ZFC3H1: variants seen among roughly 807,000 people sequenced by gnomAD.
The protein encoded by ZFC3H1 is zinc finger C3H1-type containing, also known as zinc finger C3H1 domain-containing protein.
ZFC3H1 carries 71 observed loss-of-function variants against 243.7 expected under a neutral mutation model. That is an observed-to-expected ratio of 0.29 (90% CI 0.24 to 0.36). The LOEUF (loss-of-function observed/expected upper bound fraction) is 0.36. Among genes scored for constraint, ZFC3H1 ranks in the 10% least tolerant of loss-of-function variants. The probability of loss-of-function intolerance (pLI) is 1.00; values close to 1 mark genes in which losing one functional copy is unlikely to be tolerated. For synonymous variants in ZFC3H1, 838 were observed against 813.0 expected (o/e 1.03, Z -0.52); for missense variants, 1,966 against 2,317.1 (o/e 0.85, Z 3.11).
At chr12:71,619,555 T>G in intron 26 of ZFC3H1, 146 bp from the exon 27 acceptor site, 1 of 677,338 alleles carries the variant, frequency 1.5e-6, no homozygotes, top group Non-Finnish European at 2.4e-6. Flanking sequence ...GTTTGAGACA[T>G]ACTCAGAAAA....
In ZFC3H1 at chr12:71,620,320, C is replaced by T. The variant is rs765965171; in HGVS notation, c.4745-5G>A. 6.2e-7 allele frequency: 1 copy of T among 1,613,534 alleles called. No homozygotes were observed. Among genetic ancestry groups the T allele is most frequent in the South Asian group, 1.1e-5 (1 of 91,062 alleles). ...CTGTGCAAGCTTTCACTGCATCTAC[C>T]CAAAAACATCACAACAACATGAATC... On this transcript the variant is annotated splice_polypyrimidine_tract_variant and splice_region_variant and intron_variant, in intron 24 of 34. Transcript: ENST00000378743.
intron 2 of ZFC3H1, among the ~76,000 whole-genome samples, chr12:71,654,393 A>G (rs1880964396): frequency 6.6e-6 from 1 of 152,188 alleles, no homozygotes; most frequent in Admixed American, 6.5e-5. Flanking sequence ...CTGAGTCATG[A>G]TCATACTCCT....
chr12:71,632,125 T>C lies in ZFC3H1; in HGVS notation c.3207A>G (p.Ile1069Met). 1 of 1,609,928 alleles carries C rather than the reference T, an allele frequency of 6.2e-7. No individual in the cohort carries two copies. Among genetic ancestry groups the C allele is most frequent in the Non-Finnish European group, 8.5e-7 (1 of 1,178,914 alleles). The change falls in exon 15 of 35, where the codon ATA (isoleucine) becomes ATG (methionine). Residue 1069 changes from isoleucine (I) to methionine (M), a missense_variant. By Grantham distance (10) the Ile-to-Met change is conservative. This residue lies in a region of ZFC3H1 where 1,383 missense variants were observed against 1,723.7 expected (regional missense o/e 0.80). Transcript: ENST00000378743. Reference protein sequence around the residue: ...KHTDTANKECINKLNKNTVEK... With the variant: ...KHTDTANKECMNKLNKNTVEK... ...CTACAGTATTTTTATTAAGTTTGTT[T>C]ATGCATTCTTTGTTAGCAGTATCAG...
At chr12:71,615,758 T>A (rs1436530808) in intron 27 of ZFC3H1, among the ~76,000 whole-genome samples, 1 of 152,146 alleles carries the variant, frequency 6.6e-6, no homozygotes, top group African/African-American at 2.4e-5. Flanking sequence ...ACTCAAGTAA[T>A]TCTCCTGCCT....
intron 6 of ZFC3H1, among the ~76,000 whole-genome samples, chr12:71,639,672 T>C (rs1880552100): frequency 6.6e-6 from 1 of 152,088 alleles, no homozygotes; most frequent in Non-Finnish European, 1.5e-5. Flanking sequence ...CTGACCTTTG[T>C]GTTGGGTCAG....
chr12:71,618,819 G>A (rs918095528), intron 27 of ZFC3H1, among the ~76,000 whole-genome samples: 1 of 152,046 alleles, frequency 6.6e-6, no homozygotes, highest in Non-Finnish European at 1.5e-5. Flanking sequence ...AGCTCTATAT[G>A]AGCTATTAAG....
At chr12:71,660,983 ATTT>A (rs897665855) in intron 1 of ZFC3H1, among the ~76,000 whole-genome samples, 1 of 151,472 alleles carries the variant, frequency 6.6e-6, no homozygotes, top group Non-Finnish European at 1.5e-5. Context: ...TTTAATAAAA[ATTT>A]TTTTTAATTA....
At chr12:71,622,125 T>A (rs181159101) in intron 24 of ZFC3H1, among the ~76,000 whole-genome samples, 105 of 152,342 alleles carry the variant, frequency 6.9e-4, no homozygotes, top group South Asian at 4.6e-3. Context: ...ATCCATTGCA[T>A]AAATTCCCTT....
At chr12:71,649,085 T>C (rs1231975341) in intron 2 of ZFC3H1, among the ~76,000 whole-genome samples, 3 of 131,540 alleles carry the variant, frequency 2.3e-5, no homozygotes, top group African/African-American at 9.1e-5. Flanking sequence ...AGCAAGACTC[T>C]TGTCTCAAAA....
chr12:71,650,257 C>T (rs750434578), intron 2 of ZFC3H1, among the ~76,000 whole-genome samples: 2 of 152,064 alleles, frequency 1.3e-5, no homozygotes, highest in African/African-American at 4.8e-5. Context: ...GCCTGGGCAA[C>T]AGAGCGAGTC....
In ZFC3H1 at chr12:71,663,680, CCCTTCTTTCCTA is replaced by C. The variant is rs1881259032; in HGVS notation, c.-82_-71del. On this transcript the variant is annotated 5_prime_UTR_variant, in exon 1 of 35. Coordinates refer to ENST00000378743, the MANE Select transcript of ZFC3H1 (RefSeq NM_144982.5). ...GATCCGCCCGACAATTGCCTCGTTTCCCTTCTTTCCTAACGGACTGGGTCGGTGCGGTCTTAC... is the reference window on the plus strand; with the variant it reads ...GATCCGCCCGACAATTGCCTCGTTTCACGGACTGGGTCGGTGCGGTCTTAC... 6.5e-6 allele frequency: 10 copies of C among 1,530,444 alleles called. No homozygotes were observed. In the South Asian group the frequency reaches 9.7e-5, roughly 15 times the overall value. The allele number at this position is 1,530,444 out of a possible 1,614,324, so 94.8% of individuals were successfully genotyped here.
chr12:71,624,886 C>T (rs566682408), intron 22 of ZFC3H1, among the ~76,000 whole-genome samples: 2 of 152,182 alleles, frequency 1.3e-5, no homozygotes, highest in South Asian at 4.1e-4. Flanking sequence ...AGGACCGCTT[C>T]AACCCAGGAG....
At chr12:71,625,125 A>C (rs1352226779) in intron 22 of ZFC3H1, among the ~76,000 whole-genome samples, 1 of 152,234 alleles carries the variant, frequency 6.6e-6, no homozygotes, top group Non-Finnish European at 1.5e-5. Flanking sequence ...AGGTTAAAAA[A>C]AAATCAAGCA....
In ZFC3H1 at chr12:71,635,489, A is replaced by G. The variant is rs765859052; in HGVS notation, c.2192T>C (p.Phe731Ser). 1.3e-6 allele frequency: 2 copies of G among 1,579,748 alleles called. No individual in the cohort carries two copies. Residue 731 changes from phenylalanine (F) to serine (S), a missense_variant, in exon 10 of 35, where the codon TTT (phenylalanine) becomes TCT (serine). Physicochemically the swap from Phe to Ser is radical, Grantham distance 155. This residue lies in a region of ZFC3H1 where 1,383 missense variants were observed against 1,723.7 expected (regional missense o/e 0.80). Coordinates refer to ENST00000378743, the MANE Select transcript of ZFC3H1 (RefSeq NM_144982.5). ...TTTAATCATGGACTCTAATCCACCA[A>G]AAACACTATTTGTTGACTTGGAAGC... ...GEASKSTNSV[F>S]GGLESMIKEA...
At chr12:71,662,891 C>G in intron 1 of ZFC3H1, 122 bp downstream of exon 1, 1 of 1,012,540 alleles carries the variant, frequency 9.9e-7, no homozygotes, top group Non-Finnish European at 1.5e-6. Flanking sequence ...TTAAAGTATA[C>G]TGACACAGGG....
intron 2 of ZFC3H1, chr12:71,656,424 T>C (rs1565829669): frequency 1.7e-6 from 1 of 580,542 alleles, no homozygotes. Flanking sequence ...ATATAATTCA[T>C]TACACTAACA....
chr12:71,634,556 G>C (rs1206470479), intron 11 of ZFC3H1, 148 bp downstream of exon 11: 6 of 1,035,154 alleles, frequency 5.8e-6, no homozygotes, highest in Non-Finnish European at 8.1e-6. Context: ...TGACCATCCA[G>C]CACCATCTTC....
chr12:71,646,460 A>G (rs1880732562), intron 3 of ZFC3H1, among the ~76,000 whole-genome samples: 1 of 152,230 alleles, frequency 6.6e-6, no homozygotes, highest in African/African-American at 2.4e-5. Flanking sequence ...CTTCATAGCC[A>G]CATGTAGCTA....
chr12:71,663,322 G>T lies in ZFC3H1; in HGVS notation c.289C>A (p.His97Asn). 7.4e-6 allele frequency: 12 copies of T among 1,613,338 alleles called. No homozygotes were observed. The highest frequency in any genetic ancestry group is 1.0e-5 in the Non-Finnish European group (12 of 1,180,026). Residue 97 changes from histidine (H) to asparagine (N), a missense_variant, in exon 1 of 35, where the codon CAC becomes AAC. Coordinates refer to ENST00000378743, the MANE Select transcript of ZFC3H1 (RefSeq NM_144982.5). ...SRSRHASERGHLRGPSSYRPK... is the reference protein window; with the variant it reads ...SRSRHASERGNLRGPSSYRPK... ...CGGTAGCTGCTGGGTCCCCTGAGGT[G>T]GCCCCGCTCAGACGCGTGCCGCGAG...
Sources: allele counts gnomAD v4.1 joint callset (sites outside exome capture counted in the v4.1 genomes callset), GRCh38; gene constraint gnomAD v4.1.1; regional missense constraint gnomAD v4.1.1; transcripts MANE v1.5; gene names NCBI Gene and HGNC (gene_info 2026-07-23, HGNC 2026-07-21).